FBLN7: variants seen among roughly 807,000 people sequenced by gnomAD.
The protein encoded by FBLN7 is fibulin-7.
FBLN7 carries 31 observed loss-of-function variants against 44.0 expected under a neutral mutation model. That is an observed-to-expected ratio of 0.70 (90% CI 0.53 to 0.95). FBLN7 has a LOEUF of 0.95. Ranked by LOEUF, FBLN7 falls within the 40% of genes least tolerant of loss-of-function variation. FBLN7 has a pLI of 0.00. For synonymous variants in FBLN7, 262 were observed against 253.4 expected (o/e 1.03, Z -0.32); for missense variants, 573 against 618.5 (o/e 0.93, Z 0.78).
At chr2:112,231,747 A>G in the FBLN7 span, 1 of 666,978 alleles carries the variant, frequency 1.5e-6, no homozygotes, top group Non-Finnish European at 2.4e-6. Context: ...CCTAAGAGGC[A>G]CTCTCCTTAA....
At chr2:112,237,786 C>G in the FBLN7 span, among the ~76,000 whole-genome samples, 19 of 152,088 alleles carry the variant, frequency 1.2e-4, 1 homozygote, top group African/African-American at 4.6e-4. Context: ...AGGCTGGTCT[C>G]GAACTCCTGA....
At chr2:112,171,165 G>A (rs1462202879) in intron 3 of FBLN7, among the ~76,000 whole-genome samples, 2 of 152,208 alleles carry the variant, frequency 1.3e-5, no homozygotes, top group African/African-American at 2.4e-5. Flanking sequence ...GACATCGTCT[G>A]GAGCTCAAGG....
rs113979571 is a variant in FBLN7, at chr2:112,162,487, C to T, written c.236-2514C>T. 3.9e-3 allele frequency among the ~76,000 whole-genome samples: 591 copies of T among 152,228 alleles called. 3 individuals are homozygous for T. The highest frequency in any genetic ancestry group is 0.013 in the African/African-American group (541 of 41,534). Reference sequence around the variant, plus strand: ...CAGGGTTCATCCAGAGCAGCCTCAGCGGATTCATGTCCCCATGTTGCTGAG... The same window carrying T: ...CAGGGTTCATCCAGAGCAGCCTCAGTGGATTCATGTCCCCATGTTGCTGAG... On this transcript the variant is annotated intron_variant, in intron 2 of 7. Transcript: ENST00000331203.
chr2:112,205,961 T>C, the FBLN7 span, among the ~76,000 whole-genome samples: 1 of 151,730 alleles, frequency 6.6e-6, no homozygotes, highest in Non-Finnish European at 1.5e-5. Context: ...GTGTTTCTTT[T>C]ATAAATTTTG....
chr2:112,240,996 T>C, the FBLN7 span, among the ~76,000 whole-genome samples: 1 of 140,324 alleles, frequency 7.1e-6, no homozygotes, highest in Admixed American at 7.2e-5. Flanking sequence ...CGCGTGTGTA[T>C]GTGTGTTGTG....
chr2:112,205,439 A>G, the FBLN7 span, among the ~76,000 whole-genome samples: 1 of 151,340 alleles, frequency 6.6e-6, no homozygotes, highest in Non-Finnish European at 1.5e-5. Flanking sequence ...GATACACTCC[A>G]AAATACTATA....
At chr2:112,154,439 C>T (rs1461473601) in intron 1 of FBLN7, among the ~76,000 whole-genome samples, 1 of 152,168 alleles carries the variant, frequency 6.6e-6, no homozygotes, top group African/African-American at 2.4e-5. Context: ...CTGGAACACG[C>T]TCTGTCCTTC....
intron 4 of FBLN7, among the ~76,000 whole-genome samples, chr2:112,179,169 C>T (rs887779477): frequency 3.3e-5 from 5 of 152,164 alleles, no homozygotes. Flanking sequence ...GTAGAAAAAT[C>T]ACTAGCATTC....
chr2:112,238,397 C>T, the FBLN7 span: 8 of 1,613,574 alleles, frequency 5.0e-6, no homozygotes, highest in African/African-American at 1.1e-4. Flanking sequence ...CTTGTATGTA[C>T]TGTTGAAGCT....
chr2:112,168,753 C>T (rs1316044464), intron 3 of FBLN7, among the ~76,000 whole-genome samples: 1 of 152,198 alleles, frequency 6.6e-6, no homozygotes, highest in African/African-American at 2.4e-5. Context: ...TCCAAACCAC[C>T]AGTCGTGTGG....
At chr2:112,140,505 A>G (rs1011601325) in intron 1 of FBLN7, among the ~76,000 whole-genome samples, 2 of 152,150 alleles carry the variant, frequency 1.3e-5, no homozygotes, top group African/African-American at 4.8e-5. Flanking sequence ...CTGTCACCTC[A>G]GATGCATCGC....
At chr2:112,243,660 G>C in the FBLN7 span, among the ~76,000 whole-genome samples, 2 of 152,148 alleles carry the variant, frequency 1.3e-5, no homozygotes, top group Non-Finnish European at 2.9e-5. Flanking sequence ...GTCAAAGGCT[G>C]TGTTGTGGAA....
chr2:112,232,503 A>T, the FBLN7 span, among the ~76,000 whole-genome samples: 1 of 152,242 alleles, frequency 6.6e-6, no homozygotes, highest in East Asian at 1.9e-4. Flanking sequence ...AATAGAGTAC[A>T]GGCATGTTTC....
At chr2:112,169,990 T>C (rs13419623) in intron 3 of FBLN7, among the ~76,000 whole-genome samples, 84,928 of 151,972 alleles carry the variant, frequency 0.56, 24,342 homozygotes, top group Middle Eastern at 0.74. Context: ...CCTGTAATCC[T>C]AGCACTTTGG....
intron 2 of FBLN7, among the ~76,000 whole-genome samples, chr2:112,160,510 AAGTTGGATCC>A (rs1681704491): frequency 6.6e-6 from 1 of 152,040 alleles, no homozygotes; most frequent in South Asian, 2.1e-4. Context: ...CCCCGTCCAC[AAGTTGGATCC>A]AGTTTTGGTT....
At chr2:112,232,622 C>A in the FBLN7 span, among the ~76,000 whole-genome samples, 7 of 152,290 alleles carry the variant, frequency 4.6e-5, no homozygotes, top group Non-Finnish European at 1.0e-4. Flanking sequence ...TCTTACAAAT[C>A]TGGATCCTTT....
At chr2:112,149,466 T>C (rs931401244) in intron 1 of FBLN7, among the ~76,000 whole-genome samples, 2 of 152,144 alleles carry the variant, frequency 1.3e-5, no homozygotes, top group Admixed American at 6.5e-5. Flanking sequence ...TCCCTTTGGG[T>C]ACCAGCCCTC....
In FBLN7 at chr2:112,175,712, A is replaced by G. The variant is rs774854682; in HGVS notation, c.407-2A>G. The G allele has an allele frequency of 1.1e-5, 17 of 1,614,120 alleles. No individual in the cohort carries two copies. Among genetic ancestry groups the G allele is most frequent in the Non-Finnish European group, 1.2e-5 (14 of 1,179,984 alleles). ...ATATTTGAAAATTATTTATCTTCCT[A>G]GGTATCAGTGAATGCTCCAGCCAGC... On this transcript the variant is annotated splice_acceptor_variant, in intron 3 of 7. Coordinates refer to ENST00000331203, the MANE Select transcript of FBLN7 (RefSeq NM_153214.3). LOFTEE classifies it high-confidence loss of function.
chr2:112,141,410 C>A (rs1166712886), intron 1 of FBLN7, among the ~76,000 whole-genome samples: 2 of 152,292 alleles, frequency 1.3e-5, no homozygotes, highest in East Asian at 1.9e-4. Context: ...GCAGGCATGC[C>A]CATGGCCACC....
Sources: allele counts gnomAD v4.1 joint callset (sites outside exome capture counted in the v4.1 genomes callset), GRCh38; gene constraint gnomAD v4.1.1; transcripts MANE v1.5; gene names NCBI Gene and HGNC (gene_info 2026-07-23, HGNC 2026-07-21).